ADGRE1: variants seen among roughly 807,000 people sequenced by gnomAD.
ADGRE1 encodes EGF-like module receptor 1.
Under a neutral mutation model 102.7 loss-of-function variants are expected in ADGRE1, and 82 were observed. The ratio of observed to expected loss-of-function variants is 0.80; its 90% confidence interval spans 0.67 to 0.96. The LOEUF (loss-of-function observed/expected upper bound fraction) is 0.96, where lower values mean the gene tolerates loss of function less well. Among genes scored for constraint, ADGRE1 ranks in the 40% least tolerant of loss-of-function variants. The pLI, the probability that ADGRE1 is intolerant of heterozygous loss-of-function variation, is 0.00. For missense variants in ADGRE1, 1,032 were observed against 1,085.3 expected (o/e 0.95, Z 0.69); for synonymous variants, 398 against 399.6 (o/e 1.00, Z 0.05).
intron 20 of ADGRE1, among the ~76,000 whole-genome samples, chr19:6,938,846 A>T (rs142252417): frequency 0.011 from 1,552 of 145,684 alleles, 23 homozygotes; most frequent in African/African-American, 0.039. Flanking sequence ...CCCAGGCTGG[A>T]GTGCAGTGGT....
Position 6,938,290 on chromosome 19 carries a change from T to C in ADGRE1, c.2655+642T>C, listed in dbSNP as rs139645108. 7.4e-3 allele frequency among the ~76,000 whole-genome samples: 1,128 copies of C among 152,164 alleles called. 10 individuals are homozygous for C. Among genetic ancestry groups the C allele is most frequent in the Admixed American group, 0.03 (463 of 15,278 alleles). On this transcript the variant is annotated intron_variant, in intron 20 of 20. Transcript: ENST00000312053. The stretch of plus-strand genomic sequence containing the variant: ...AGGCGGAGGTTGCAGTGAGCAGAGA[T>C]TGTGCCATTGCACTCCAGCCTGGGC...
In ADGRE1 at chr19:6,915,937, A is replaced by C. The variant is rs12977908; in HGVS notation, c.1301-312A>C. ...CTCCGTCTCAAAAAAAAAAAAAAAAAAAAAAAAAACTTAGAGAGAAAATCA... is the reference window on the plus strand; with the variant it reads ...CTCCGTCTCAAAAAAAAAAAAAAAACAAAAAAAAACTTAGAGAGAAAATCA... On this transcript the variant is annotated intron_variant, in intron 11 of 20. Coordinates refer to ENST00000312053, the MANE Select transcript of ADGRE1 (RefSeq NM_001974.5). 4.1e-4 allele frequency among the ~76,000 whole-genome samples: 55 copies of C among 134,752 alleles called. 1 individual carries two copies. In the East Asian group the frequency reaches 8.5e-3, roughly 21 times the overall value. The allele number at this position is 134,752 out of a possible 152,430, so 88.4% of individuals were successfully genotyped here.
At chr19:6,914,126 C>T (rs550214435) in intron 11 of ADGRE1, among the ~76,000 whole-genome samples, 2 of 152,358 alleles carry the variant, frequency 1.3e-5, no homozygotes, top group East Asian at 3.8e-4. Flanking sequence ...CAAGTACTTC[C>T]TGTTTGCCCT....
At chr19:6,934,748 C>T (rs896300907) in intron 17 of ADGRE1, among the ~76,000 whole-genome samples, 1 of 151,344 alleles carries the variant, frequency 6.6e-6, no homozygotes, top group Non-Finnish European at 1.5e-5. Context: ...CAGGCATCCA[C>T]CACCATGCAT....
chr19:6,889,097 G>C (rs1163568088), intron 1 of ADGRE1, among the ~76,000 whole-genome samples: 4 of 151,708 alleles, frequency 2.6e-5, no homozygotes, highest in Non-Finnish European at 5.9e-5. Flanking sequence ...TGACCATGAA[G>C]ATGGTGATGA....
chr19:6,918,194 C>T (rs1974474500), intron 12 of ADGRE1, among the ~76,000 whole-genome samples: 1 of 152,164 alleles, frequency 6.6e-6, no homozygotes, highest in South Asian at 2.1e-4. Flanking sequence ...AATCCCAGCA[C>T]TTTGGGAGGC....
At chr19:6,908,551 C>T in intron 9 of ADGRE1, 138 bp from the exon 10 acceptor site, 4 of 626,538 alleles carry the variant, frequency 6.4e-6, no homozygotes, top group African/African-American at 1.9e-5. Context: ...TTTTAGTTTC[C>T]CTGAGAATTC....
intron 12 of ADGRE1, among the ~76,000 whole-genome samples, chr19:6,919,146 C>T (rs1974522789): frequency 1.3e-5 from 2 of 152,160 alleles, no homozygotes; most frequent in Non-Finnish European, 2.9e-5. Flanking sequence ...GATTCCCCTG[C>T]CTCAGACTCC....
At position 6,896,420 on chromosome 19, in the gene ADGRE1, C is replaced by T; in HGVS notation, c.117C>T (p.Thr39=). 2 of 1,614,106 alleles carry T rather than the reference C, an allele frequency of 1.2e-6. No homozygotes were observed. Among genetic ancestry groups the T allele is most frequent in the Non-Finnish European group, 8.5e-7 (1 of 1,179,976 alleles). Residue 39 remains threonine, a synonymous_variant, in exon 3 of 21, where the codon ACC becomes ACT. Transcript: ENST00000312053. ...NTKGNNCRDS[T]LCPAYATCTN... Reference sequence around the variant, plus strand: ...TAGGTAATAACTGTAGAGACAGTACCTTGTGCCCAGCTTATGCCACCTGCA... The same window carrying T: ...TAGGTAATAACTGTAGAGACAGTACTTTGTGCCCAGCTTATGCCACCTGCA...
intron 18 of ADGRE1, among the ~76,000 whole-genome samples, chr19:6,935,696 T>C (rs184121245): frequency 2.6e-5 from 4 of 152,308 alleles, no homozygotes; most frequent in Admixed American, 2.0e-4. Flanking sequence ...TTCCACACCA[T>C]GGTTATTTAA....
intron 10 of ADGRE1, among the ~76,000 whole-genome samples, chr19:6,909,794 G>A (rs564611310): frequency 1.8e-4 from 28 of 152,184 alleles, no homozygotes; most frequent in African/African-American, 6.3e-4. Context: ...GAGTGCAATG[G>A]TGCGATCTTG....
intron 2 of ADGRE1, chr19:6,895,695 G>A (rs1973522030): frequency 6.6e-6 from 1 of 152,188 alleles, no homozygotes; most frequent in African/African-American, 2.4e-5. Context: ...ATCCAGATGA[G>A]TGCTTCTCAA....
At chr19:6,900,878 T>C (rs936119230) in intron 5 of ADGRE1, among the ~76,000 whole-genome samples, 23 of 152,208 alleles carry the variant, frequency 1.5e-4, no homozygotes, top group Admixed American at 1.0e-3. Flanking sequence ...ACAACCACCA[T>C]ATATTTAGCG....
intron 17 of ADGRE1, among the ~76,000 whole-genome samples, chr19:6,931,561 G>T (rs917114082): frequency 6.6e-6 from 1 of 152,296 alleles, no homozygotes. Flanking sequence ...ATTTTGGGAG[G>T]CCGAGGCGGG....
intron 15 of ADGRE1, among the ~76,000 whole-genome samples, chr19:6,925,834 C>T (rs1246816887): frequency 1.3e-5 from 2 of 151,948 alleles, no homozygotes; most frequent in Admixed American, 1.3e-4. Context: ...TACCTGGGAC[C>T]ACAGGCCTGT....
intron 14 of ADGRE1, among the ~76,000 whole-genome samples, chr19:6,922,220 G>A (rs11665859): frequency 0.18 from 27,921 of 152,048 alleles, 2,633 homozygotes; most frequent in Middle Eastern, 0.23. Flanking sequence ...AAAGTGGCCC[G>A]TCTAGTCCTG....
intron 6 of ADGRE1, 134 bp downstream of exon 6, chr19:6,902,155 C>G: frequency 8.3e-7 from 1 of 1,211,284 alleles, no homozygotes. Context: ...TTCATTCACT[C>G]ATTAAAGAAA....
chr19:6,890,334 T>A, intron 1 of ADGRE1, 147 bp from the exon 2 acceptor site: 1 of 670,390 alleles, frequency 1.5e-6, no homozygotes, highest in East Asian at 2.8e-5. Flanking sequence ...TGTATGTTTG[T>A]TCCTTAACTA....
chr19:6,938,798 TTTC>T (rs1975549776), intron 20 of ADGRE1, among the ~76,000 whole-genome samples: 2 of 140,464 alleles, frequency 1.4e-5, no homozygotes, highest in South Asian at 2.2e-4. Context: ...TCTTTCTTTT[TTTC>T]TTTTTTTTTT....
Sources: allele counts gnomAD v4.1 joint callset (sites outside exome capture counted in the v4.1 genomes callset), GRCh38; gene constraint gnomAD v4.1.1; transcripts MANE v1.5; gene names NCBI Gene and HGNC (gene_info 2026-07-23, HGNC 2026-07-21).